The following TIAM2 variants were observed in gnomAD, a reference collection of about 807,000 sequenced individuals.
The protein encoded by TIAM2 is rho guanine nucleotide exchange factor TIAM2.
Under a neutral mutation model 152.9 loss-of-function variants are expected in TIAM2, and 80 were observed. That is an observed-to-expected ratio of 0.52 (90% CI 0.44 to 0.63). The LOEUF is 0.63. TIAM2 is among the 30% of genes least tolerant of loss of function. The pLI, the probability that TIAM2 is intolerant of heterozygous loss-of-function variation, is 0.00. For synonymous variants in TIAM2, 804 were observed against 838.0 expected (o/e 0.96, Z 0.70); for missense variants, 1,965 against 2,120.1 (o/e 0.93, Z 1.44).
At chr6:155,151,870 G>A (rs1779979058) in intron 7 of TIAM2, among the ~76,000 whole-genome samples, 2 of 129,562 alleles carry the variant, frequency 1.5e-5, no homozygotes, top group Non-Finnish European at 3.2e-5. Context: ...TTGAGACAGA[G>A]TTTTGCTCTT....
At chr6:155,191,769 T>C (rs562771462) in intron 14 of TIAM2, among the ~76,000 whole-genome samples, 1 of 152,004 alleles carries the variant, frequency 6.6e-6, no homozygotes, top group African/African-American at 2.4e-5. Context: ...CATTCCAGCC[T>C]GGATGACAGA....
intron 1 of TIAM2, among the ~76,000 whole-genome samples, chr6:155,047,629 C>T (rs2114917007): frequency 6.9e-6 from 1 of 144,510 alleles, no homozygotes; most frequent in South Asian, 2.2e-4. Flanking sequence ...AAGCACTTTC[C>T]CTTCTAAGGC....
At chr6:155,103,493 G>C (rs1196701734) in intron 2 of TIAM2, among the ~76,000 whole-genome samples, 6 of 152,094 alleles carry the variant, frequency 3.9e-5, no homozygotes, top group African/African-American at 1.4e-4. Context: ...GGAGGCTGAG[G>C]CGGGTGGATC....
chr6:155,028,252 T>C (rs567805599), intron 1 of TIAM2, among the ~76,000 whole-genome samples: 1 of 130,244 alleles, frequency 7.7e-6, no homozygotes, highest in African/African-American at 2.9e-5. Context: ...ATGTACTGTG[T>C]TACATATATA....
chr6:154,998,108 G>A lies in TIAM2; in HGVS notation c.-209+2616G>A, dbSNP rs1583142785. Among the ~76,000 whole-genome samples the A allele has an allele frequency of 2.6e-5, 4 of 152,258 alleles. 1 individual carries two copies. In the Middle Eastern group the frequency reaches 0.014, roughly 518 times the overall value. ...TCCTTGATTACAGGGAAGAATCTGC[G>A]AGTGTGAATTCATGGGTGGGCGTCA... On this transcript the variant is annotated intron_variant, in intron 1 of 26. Coordinates refer to ENST00000682666, the MANE Select transcript of TIAM2 (RefSeq NM_012454.4).
At chr6:155,153,779 G>A (rs998817234) in intron 7 of TIAM2, among the ~76,000 whole-genome samples, 36 of 151,922 alleles carry the variant, frequency 2.4e-4, no homozygotes, top group East Asian at 3.9e-4. Context: ...CCACCACTAC[G>A]CCCAGCTAAT....
At chr6:155,056,959 G>A (rs963755575) in intron 1 of TIAM2, among the ~76,000 whole-genome samples, 1 of 144,694 alleles carries the variant, frequency 6.9e-6, no homozygotes, top group East Asian at 2.1e-4. Context: ...TTTGATGACT[G>A]TGACAGTTTT....
chr6:155,030,954 T>G (rs1348492766), intron 1 of TIAM2, among the ~76,000 whole-genome samples: 1 of 152,184 alleles, frequency 6.6e-6, no homozygotes, highest in Non-Finnish European at 1.5e-5. Flanking sequence ...GCCAAAAGAT[T>G]TAATAATTTG....
chr6:155,036,824 G>T (rs1776932947), intron 1 of TIAM2, among the ~76,000 whole-genome samples: 3 of 151,244 alleles, frequency 2.0e-5, no homozygotes, highest in Middle Eastern at 3.4e-3. Context: ...CTCCATGTTG[G>T]TTAGGCTGGT....
intron 15 of TIAM2, among the ~76,000 whole-genome samples, chr6:155,215,719 A>T (rs572337840): frequency 7.3e-6 from 1 of 136,440 alleles, no homozygotes; most frequent in East Asian, 2.1e-4. Context: ...TTTAAAAAAA[A>T]ATTTTAAATT....
chr6:155,249,532 T>C (rs1783530822), intron 20 of TIAM2, among the ~76,000 whole-genome samples: 1 of 152,228 alleles, frequency 6.6e-6, no homozygotes. Context: ...CTAAATGAGA[T>C]GATTCACAGA....
At chr6:155,234,470 G>A (rs1782641491) in intron 15 of TIAM2, among the ~76,000 whole-genome samples, 1 of 152,182 alleles carries the variant, frequency 6.6e-6, no homozygotes, top group Admixed American at 6.5e-5. Flanking sequence ...GTTTCCCTAT[G>A]TTGTCCAGGA....
intron 10 of TIAM2, among the ~76,000 whole-genome samples, 186 bp from the exon 11 acceptor site, chr6:155,178,853 G>T (rs1313520340): frequency 1.3e-5 from 2 of 152,166 alleles, no homozygotes; most frequent in East Asian, 3.8e-4. Context: ...GGGATTACAG[G>T]TGTGAGCCGC....
rs552375674 is a variant in TIAM2 at position 155,214,457 on chromosome 6, C to T, written c.3168+3150C>T. 2.4e-4 allele frequency among the ~76,000 whole-genome samples: 37 copies of T among 152,284 alleles called. No individual in the cohort carries two copies. In the East Asian group the frequency reaches 6.6e-3, roughly 27 times the overall value. ...TGGTTTGATGAAGCAGCTATGGGCT[C>T]TCAGCCTCCCCTCTCTTCTCCCTTT... On this transcript the variant is annotated intron_variant, in intron 15 of 26. Transcript: ENST00000682666. This position sits in a 1 kb window ranked among gnomAD's most constrained non-coding sequence, Gnocchi z 5.4.
chr6:155,000,032 A>T (rs148350297), intron 1 of TIAM2, among the ~76,000 whole-genome samples: 1 of 152,216 alleles, frequency 6.6e-6, no homozygotes, highest in South Asian at 2.1e-4. Context: ...GCTGAAGTGC[A>T]TGAAAGCACT....
At chr6:155,088,740 A>G (rs1406981200) in intron 1 of TIAM2, among the ~76,000 whole-genome samples, 2 of 152,214 alleles carry the variant, frequency 1.3e-5, no homozygotes, top group Admixed American at 6.5e-5. Flanking sequence ...GCGGCCCAGG[A>G]TGGCTTTGAA....
intron 7 of TIAM2, among the ~76,000 whole-genome samples, chr6:155,150,306 C>T (rs1779923585): frequency 1.3e-5 from 2 of 152,278 alleles, no homozygotes; most frequent in African/African-American, 2.4e-5. Context: ...AACTAAAGGT[C>T]ATTCTAAAAT....
At chr6:155,104,040 A>ACACACAC (rs1562316893) in intron 2 of TIAM2, among the ~76,000 whole-genome samples, 1 of 57,732 alleles carries the variant, frequency 1.7e-5, no homozygotes, top group African/African-American at 7.7e-5. Flanking sequence ...ACACACACAC[A>ACACACAC]CCCCCCCCCC....
At chr6:155,191,067 A>G (rs1016001452) in intron 14 of TIAM2, among the ~76,000 whole-genome samples, 6 of 152,180 alleles carry the variant, frequency 3.9e-5, no homozygotes, top group Admixed American at 6.5e-5. Flanking sequence ...TTGTGACACT[A>G]TCTTCGCTTT....
Sources: allele counts gnomAD v4.1 joint callset (sites outside exome capture counted in the v4.1 genomes callset), GRCh38; gene constraint gnomAD v4.1.1; non-coding constraint Gnocchi (gnomAD v3.1); transcripts MANE v1.5; gene names NCBI Gene and HGNC (gene_info 2026-07-23, HGNC 2026-07-21).